RANBP2: variants seen among roughly 807,000 people sequenced by gnomAD.
RANBP2 encodes E3 SUMO-protein ligase RanBP2.
A neutral mutation model predicts 303.6 loss-of-function variants in RANBP2; 57 were observed. The observed-to-expected ratio is 0.19, with a 90% confidence interval of 0.15 to 0.23. RANBP2 has a LOEUF of 0.23. Among genes scored for constraint, RANBP2 ranks in the 10% least tolerant of loss-of-function variants. RANBP2 has a pLI of 1.00. For synonymous variants in RANBP2, 1,167 were observed against 1,301.5 expected (o/e 0.90, Z 2.23); for missense variants, 3,138 against 3,780.8 (o/e 0.83, Z 4.46).
At chr2:108,896,712 C>A in the RANBP2 span, 3 of 610,356 alleles carry the variant, frequency 4.9e-6, no homozygotes, top group East Asian at 5.5e-5. Flanking sequence ...CTGAAAGTAT[C>A]CCGGCTCTAG....
the RANBP2 span, among the ~76,000 whole-genome samples, chr2:108,818,386 C>T: frequency 4.3e-4 from 66 of 152,162 alleles, no homozygotes; most frequent in South Asian, 1.2e-3. Flanking sequence ...ATATTTAGCA[C>T]GTGTATTTCT....
the RANBP2 span, among the ~76,000 whole-genome samples, chr2:109,724,623 C>G: frequency 6.6e-6 from 1 of 152,090 alleles, no homozygotes; most frequent in East Asian, 1.9e-4. Flanking sequence ...CCTTGTACCC[C>G]ACCACTGAGC....
chr2:109,113,165 G>C, the RANBP2 span, among the ~76,000 whole-genome samples: 1 of 152,020 alleles, frequency 6.6e-6, no homozygotes, highest in Admixed American at 6.6e-5. Context: ...TTCCGATTCT[G>C]TGAAGAAAGT....
the RANBP2 span, among the ~76,000 whole-genome samples, chr2:109,064,965 A>C: frequency 6.6e-6 from 1 of 152,220 alleles, no homozygotes; most frequent in Non-Finnish European, 1.5e-5. Flanking sequence ...AGATTTTGGC[A>C]GGCAGGAGCC....
the RANBP2 span, among the ~76,000 whole-genome samples, chr2:109,245,541 A>T: frequency 6.6e-6 from 1 of 152,168 alleles, no homozygotes; most frequent in African/African-American, 2.4e-5. Context: ...TTTTATTTTT[A>T]TTGGACAAAC....
At chr2:109,643,657 T>A in the RANBP2 span, among the ~76,000 whole-genome samples, 1 of 151,076 alleles carries the variant, frequency 6.6e-6, no homozygotes, top group Non-Finnish European at 1.5e-5. Flanking sequence ...CCCAGCTACT[T>A]GGGAGGCTGA....
the RANBP2 span, among the ~76,000 whole-genome samples, chr2:108,823,706 C>T: frequency 3.9e-5 from 6 of 152,194 alleles, no homozygotes; most frequent in African/African-American, 1.4e-4. Context: ...CTGGGCCAGG[C>T]TCAGTGGCTC....
chr2:108,947,599 A>G, the RANBP2 span, among the ~76,000 whole-genome samples: 1 of 152,152 alleles, frequency 6.6e-6, no homozygotes, highest in African/African-American at 2.4e-5. Flanking sequence ...CCGCAGTCCC[A>G]ACACCAAGTG....
chr2:109,740,572 T>C, the RANBP2 span, among the ~76,000 whole-genome samples: 1 of 152,168 alleles, frequency 6.6e-6, no homozygotes, highest in Non-Finnish European at 1.5e-5. Flanking sequence ...TTCTGGGCCA[T>C]AAAACACACT....
chr2:109,419,711 C>T, the RANBP2 span: 8 of 1,442,370 alleles, frequency 5.5e-6, no homozygotes, highest in East Asian at 1.5e-4. Flanking sequence ...GCTGACCTGT[C>T]CACGTGTGGT....
chr2:109,466,434 G>A, the RANBP2 span, among the ~76,000 whole-genome samples: 1 of 151,892 alleles, frequency 6.6e-6, no homozygotes, highest in African/African-American at 2.4e-5. Flanking sequence ...TTTTTAATTG[G>A]GTTGTTTGTT....
chr2:109,408,125 C>A, the RANBP2 span, among the ~76,000 whole-genome samples: 7 of 152,172 alleles, frequency 4.6e-5, no homozygotes, highest in African/African-American at 1.7e-4. Flanking sequence ...CTTGTCCTAG[C>A]AGCTGTTGAA....
chr2:109,437,291 AC>A, the RANBP2 span: 1 of 1,331,972 alleles, frequency 7.5e-7, no homozygotes, highest in Non-Finnish European at 1.0e-6. Context: ...CTTAAGGAAA[AC>A]CGGTTTGGCC....
At chr2:108,997,330 A>G in the RANBP2 span, among the ~76,000 whole-genome samples, 1 of 150,582 alleles carries the variant, frequency 6.6e-6, no homozygotes, top group Admixed American at 6.7e-5. Context: ...AGTCCCAGCT[A>G]CTCAGGAGGC....
chr2:108,930,065 A>T, the RANBP2 span: 6 of 1,573,812 alleles, frequency 3.8e-6, no homozygotes, highest in South Asian at 5.8e-5. Context: ...ACAATGCCAC[A>T]AGCAGGAGGC....
the RANBP2 span, among the ~76,000 whole-genome samples, chr2:108,869,029 T>C: frequency 2.0e-5 from 3 of 152,152 alleles, no homozygotes; most frequent in Non-Finnish European, 4.4e-5. Flanking sequence ...TATAAAAATT[T>C]TGTTTTGTTT....
At chr2:109,310,354 A>G in the RANBP2 span, among the ~76,000 whole-genome samples, 1 of 39,246 alleles carries the variant, frequency 2.5e-5, no homozygotes, top group African/African-American at 2.1e-4. Flanking sequence ...GTGTAGAGGG[A>G]AATTTATAGC....
At position 108,775,906 on chromosome 2, in the gene RANBP2, A is replaced by G. The variant is rs1573842956; in HGVS notation, c.8467A>G (p.Lys2823Glu). 1 of 1,611,898 alleles carries G rather than the reference A, an allele frequency of 6.2e-7. No homozygotes were observed. Among genetic ancestry groups the G allele is most frequent in the Non-Finnish European group, 8.5e-7 (1 of 1,179,854 alleles). The change falls in exon 24 of 29, where the codon AAG becomes GAG. Residue 2823 changes from lysine to glutamate, a missense_variant. Physicochemically the swap from Lys to Glu is moderately conservative, Grantham distance 56. Coordinates refer to ENST00000283195, the MANE Select transcript of RANBP2 (RefSeq NM_006267.5). ...CAAACCTGTAGATTTGTCAACTAGA[A>G]AGGAAATTGATACAGATTCTACAAG... ...MDKPVDLSTR[K>E]EIDTDSTSQG... is the part of the protein sequence containing the mutation.
the RANBP2 span, among the ~76,000 whole-genome samples, chr2:109,673,368 C>G: frequency 6.6e-6 from 1 of 152,258 alleles, no homozygotes; most frequent in East Asian, 1.9e-4. Flanking sequence ...TTTCTGACAG[C>G]CTGGGATGCT....
Sources: gnomAD v4.1 joint callset for allele counts (sites outside exome capture counted in the v4.1 genomes callset) on GRCh38, gnomAD v4.1.1 for gene constraint, MANE v1.5 for transcripts, NCBI Gene and HGNC (gene_info 2026-07-23, HGNC 2026-07-21) for gene names.